The following SNAPC1 variants were observed in gnomAD, a reference collection of about 807,000 sequenced individuals.
SNAPC1 encodes the protein small nuclear RNA activating complex polypeptide 1, also known as snRNA-activating protein complex subunit 1.
SNAPC1 carries 42 observed loss-of-function variants against 50.1 expected under a neutral mutation model. That is an observed-to-expected ratio of 0.84 (90% CI 0.65 to 1.08). The LOEUF (loss-of-function observed/expected upper bound fraction) is 1.08. Among genes scored for constraint, SNAPC1 ranks in the 50% least tolerant of loss-of-function variants. SNAPC1 has a pLI of 0.00. For synonymous variants in SNAPC1, 164 were observed against 144.2 expected, an observed-to-expected ratio of 1.14 and a Z score of -0.98; for missense variants, 477 against 427.3, an observed-to-expected ratio of 1.12 and a Z score of -1.02.
chr14:61,774,648 A>ATTTCTTTTTT lies in SNAPC1; in HGVS notation c.535-1444_535-1443insCTTTTTTTTT, dbSNP rs1172798543. On this transcript the variant is annotated intron_variant, in intron 4 of 9. Transcript: ENST00000216294. ...ACTCACCACTATTGATCAGTTTCTC[A>ATTTCTTTTTT]TTTTTTTTTTTTTTTTTTTTTTTTT... 2.4e-3 allele frequency among the ~76,000 whole-genome samples: 220 copies of ATTTCTTTTTT among 90,920 alleles called. 16 individuals are homozygous for ATTTCTTTTTT. Among genetic ancestry groups the ATTTCTTTTTT allele is most frequent in the African/African-American group, 5.5e-3 (134 of 24,218 alleles). The allele number at this position is 90,920 out of a possible 152,430, so 59.6% of individuals were successfully genotyped here.
intron 1 of SNAPC1, among the ~76,000 whole-genome samples, chr14:61,763,411 C>T (rs1263296440): frequency 1.3e-5 from 2 of 151,794 alleles, no homozygotes; most frequent in East Asian, 3.9e-4. Context: ...GACCATTCCT[C>T]ACTGGCCTTT....
chr14:61,785,363 TG>T (rs530368867), intron 8 of SNAPC1, among the ~76,000 whole-genome samples: 113 of 152,094 alleles, frequency 7.4e-4, no homozygotes, highest in African/African-American at 2.6e-3. Context: ...CGCGCCAAGA[TG>T]GAGCCTTTGC....
chr14:61,788,457 A>G (rs10133426), intron 8 of SNAPC1, among the ~76,000 whole-genome samples: 53,473 of 152,064 alleles, frequency 0.35, 9,945 homozygotes, highest in African/African-American at 0.46. Flanking sequence ...ATATGATACT[A>G]TTAAAATTTC....
chr14:61,792,472 CAT>C lies in SNAPC1; in HGVS notation c.977-332_977-331del, dbSNP rs771428655. Among the ~76,000 whole-genome samples, 16 of 152,252 alleles carry C rather than the reference CAT, an allele frequency of 1.1e-4. No individual in the cohort carries two copies. The South Asian group carries it at 1.4e-3, about 14-fold the overall frequency. On this transcript the variant is annotated intron_variant, in intron 8 of 9. Coordinates refer to ENST00000216294, the MANE Select transcript of SNAPC1 (RefSeq NM_003082.4). Reference sequence around the variant, plus strand: ...AATTAATTTAATAAAGTTGAAGTAACATATGTGATTATTCTTTGATGGCTGCA... The same window carrying C: ...AATTAATTTAATAAAGTTGAAGTAACATGTGATTATTCTTTGATGGCTGCA...
At chr14:61,768,934 GA>G (rs1366561088) in intron 4 of SNAPC1, among the ~76,000 whole-genome samples, 194 bp downstream of exon 4, 1 of 152,100 alleles carries the variant, frequency 6.6e-6, no homozygotes, top group African/African-American at 2.4e-5. Context: ...AATAGCGTGA[GA>G]AAAAAAGATG....
intron 8 of SNAPC1, among the ~76,000 whole-genome samples, chr14:61,786,361 T>A (rs1368503411): frequency 6.6e-6 from 1 of 152,180 alleles, no homozygotes; most frequent in African/African-American, 2.4e-5. Context: ...GATGAGAAGA[T>A]AAGCCACAGA....
chr14:61,768,477 G>C (rs1197473406), intron 3 of SNAPC1, among the ~76,000 whole-genome samples, 159 bp from the exon 4 acceptor site: 2 of 152,300 alleles, frequency 1.3e-5, no homozygotes, highest in African/African-American at 4.8e-5. Flanking sequence ...AAGTCTAACA[G>C]TCTTTGGAAC....
intron 1 of SNAPC1, 44 bp from the exon 2 acceptor site, chr14:61,766,832 T>G: frequency 1.6e-6 from 2 of 1,283,754 alleles, no homozygotes; most frequent in Non-Finnish European, 2.2e-6. Context: ...GTTCATTACT[T>G]ATTCACTTAA....
chr14:61,762,528 G>C lies in SNAPC1; in HGVS notation c.68G>C (p.Ser23Thr). Residue 23 changes from serine to threonine, a missense_variant, in exon 1 of 10, where the codon AGT (serine) becomes ACT (threonine). Coordinates refer to ENST00000216294, the MANE Select transcript of SNAPC1 (RefSeq NM_003082.4). Reference protein sequence around the residue: ...ALLSRFQETDSVRFEDFTELW... With the variant: ...ALLSRFQETDTVRFEDFTELW... ...CTCAGCCGCTTCCAGGAGACGGACA[G>C]TGTACGCTTCGAGGACTTCACGGAG... is the stretch of plus-strand genomic sequence containing the variant. The C allele has an allele frequency of 1.3e-6, 2 of 1,579,344 alleles. No homozygotes were observed. The highest frequency in any genetic ancestry group is 1.4e-5 in the African/African-American group (1 of 73,422).
chr14:61,774,667 T>C (rs1471201730), intron 4 of SNAPC1, among the ~76,000 whole-genome samples: 1 of 144,212 alleles, frequency 6.9e-6, no homozygotes, highest in Non-Finnish European at 1.5e-5. Flanking sequence ...TTTTTTTTTT[T>C]TTTTTTTTTT....
Position 61,795,210 on chromosome 14 carries a change from TGTATTTA to T in SNAPC1, c.*232_*238del. 4.1e-6 allele frequency: 2 copies of T among 484,522 alleles called. No homozygotes were observed. The highest frequency in any genetic ancestry group is 5.9e-5 in the South Asian group (2 of 33,818). The allele number at this position is 484,522 out of a possible 1,614,324, so 30.0% of individuals were successfully genotyped here. A position where few individuals can be genotyped will look rare whatever the true frequency, so the allele number is the denominator to read the frequency against. On this transcript the variant is annotated 3_prime_UTR_variant, in exon 10 of 10. Coordinates refer to ENST00000216294, the MANE Select transcript of SNAPC1 (RefSeq NM_003082.4). ...GATTTGCATAAATGGAGATAAAACT[TGTATTTA>T]GTATGTAATAGAAAAAATTCTGTTA... is the stretch of plus-strand genomic sequence containing the variant.
At position 61,762,567 on chromosome 14, in the gene SNAPC1, T is replaced by G. The variant is rs74810099; in HGVS notation, c.107T>G (p.Met36Arg). Residue 36 changes from methionine (M) to arginine (R), a missense_variant, in exon 1 of 10, where the codon ATG becomes AGG. Transcript: ENST00000216294. ...FEDFTELWRN[M>R]KFGTIFCGRM... ...GACTTCACGGAGCTCTGGAGAAACA[T>G]GAAGTTCGGGACTATCTTCTGGTGG... The G allele has an allele frequency of 0.016, 24,488 of 1,571,594 alleles. 582 individuals are homozygous for G. Among genetic ancestry groups the G allele is most frequent in the African/African-American group, 0.082 (5,848 of 71,190 alleles).
intron 7 of SNAPC1, 33 bp from the exon 8 acceptor site, chr14:61,782,214 A>G: frequency 1.4e-6 from 2 of 1,468,372 alleles, no homozygotes; most frequent in South Asian, 1.3e-5. Context: ...TTCATTTTAT[A>G]ATTTATTGGT....
intron 8 of SNAPC1, among the ~76,000 whole-genome samples, chr14:61,787,647 T>C (rs1566593203): frequency 2.0e-5 from 3 of 152,308 alleles, no homozygotes; most frequent in Admixed American, 1.3e-4. Context: ...GACTCAGCAG[T>C]GTATGAATGG....
chr14:61,795,008 A>AT lies in SNAPC1; in HGVS notation c.*29dup. On this transcript the variant is annotated 3_prime_UTR_variant, in exon 10 of 10. Transcript: ENST00000216294. Reference sequence around the variant, plus strand: ...AACAAAGAGCCTGGTGTAGTTTTTAATTTTGAGTTTTCTGACAGAAGAAAA... The same window carrying AT: ...AACAAAGAGCCTGGTGTAGTTTTTAATTTTTGAGTTTTCTGACAGAAGAAAA... 1 of 1,515,116 alleles carries AT rather than the reference A, an allele frequency of 6.6e-7. No individual in the cohort carries two copies. The highest frequency in any genetic ancestry group is 8.9e-7 in the Non-Finnish European group (1 of 1,118,876). The allele number at this position is 1,515,116 out of a possible 1,614,324, so 93.9% of individuals were successfully genotyped here.
At chr14:61,775,555 A>C (rs932713560) in intron 4 of SNAPC1, among the ~76,000 whole-genome samples, 1 of 151,952 alleles carries the variant, frequency 6.6e-6, no homozygotes, top group Non-Finnish European at 1.5e-5. Context: ...CACCTGGCCT[A>C]CCCTCTATAT....
intron 3 of SNAPC1, 117 bp downstream of exon 3, chr14:61,767,469 C>CTTT: frequency 2.0e-5 from 9 of 452,990 alleles, no homozygotes; most frequent in East Asian, 4.5e-5. Flanking sequence ...AGACTTTTAG[C>CTTT]TTTTTTTTTT....
intron 7 of SNAPC1, 113 bp downstream of exon 7, chr14:61,779,023 A>G (rs978866226): frequency 1.6e-6 from 1 of 630,658 alleles, no homozygotes; most frequent in African/African-American, 1.9e-5. Flanking sequence ...AAATAATGCT[A>G]GAGAGATTAT....
intron 4 of SNAPC1, among the ~76,000 whole-genome samples, chr14:61,774,243 C>T (rs536599711): frequency 1.3e-5 from 2 of 151,314 alleles, no homozygotes; most frequent in South Asian, 4.2e-4. Flanking sequence ...CTCAAGCCAT[C>T]CTCATGCCTC....
Sources: gnomAD v4.1 joint callset for allele counts (sites outside exome capture counted in the v4.1 genomes callset) on GRCh38, gnomAD v4.1.1 for gene constraint, MANE v1.5 for transcripts, NCBI Gene and HGNC (gene_info 2026-07-23, HGNC 2026-07-21) for gene names.